The following ZNF493 variants were observed in gnomAD, a reference collection of about 807,000 sequenced individuals.
ZNF493 encodes zinc finger protein 493.
Under a neutral mutation model 12.2 loss-of-function variants are expected in ZNF493, and 11 were observed. The ratio of observed to expected loss-of-function variants is 0.90; its 90% CI spans 0.57 to 1.50. ZNF493 has a LOEUF of 1.50. Ranked by LOEUF, ZNF493 falls within the 40% of genes most tolerant of loss-of-function variation. ZNF493 has a pLI of 0.00. For missense variants in ZNF493, 950 were observed against 906.6 expected (o/e 1.05, Z -0.61); for synonymous variants, 286 against 302.6 (o/e 0.95, Z 0.57).
intron 3 of ZNF493, among the ~76,000 whole-genome samples, chr19:21,419,885 T>C (rs2914630): frequency 7.9e-5 from 12 of 152,292 alleles, no homozygotes; most frequent in African/African-American, 2.6e-4. Flanking sequence ...AGAGTAAAAA[T>C]GTTCTGAGAA....
chr19:21,414,632 G>C lies in ZNF493; in HGVS notation c.254-8281G>C, dbSNP rs542415927. ...CGTAACTGAGCATTTTCAATAAACT[G>C]TGTGGAATGAACCACGTGTGAAGAA... is the stretch of plus-strand genomic sequence containing the variant. On this transcript the variant is annotated intron_variant, in intron 3 of 3. Transcript: ENST00000392288. 1.5e-4 allele frequency: 23 copies of C among 152,168 alleles called. 1 individual carries two copies. Among genetic ancestry groups the C allele is most frequent in the Admixed American group, 1.4e-3 (22 of 15,270 alleles). 9.4% of individuals were successfully genotyped at this position (152,168 alleles called of 1,614,324 possible). A position where few individuals can be genotyped will look rare whatever the true frequency, so the allele number is the denominator to read the frequency against.
At chr19:21,419,639 G>A (rs1476844013) in intron 3 of ZNF493, among the ~76,000 whole-genome samples, 3 of 152,064 alleles carry the variant, frequency 2.0e-5, no homozygotes, top group Non-Finnish European at 2.9e-5. Context: ...GATTAAGGGT[G>A]GGTCTGCCTT....
chr19:21,420,485 A>G (rs1018091439), intron 3 of ZNF493, among the ~76,000 whole-genome samples: 5 of 147,928 alleles, frequency 3.4e-5, no homozygotes, highest in Non-Finnish European at 6.0e-5. Flanking sequence ...CGCCTTTTAT[A>G]TATAAGGCAG....
intron 3 of ZNF493, among the ~76,000 whole-genome samples, chr19:21,418,094 A>T (rs1199778360): frequency 6.6e-6 from 1 of 152,198 alleles, no homozygotes; most frequent in Admixed American, 6.5e-5. Context: ...AACTAAGAGC[A>T]GTTGCTCGAG....
At chr19:21,401,353 C>T (rs950703882) in intron 1 of ZNF493, among the ~76,000 whole-genome samples, 3 of 152,004 alleles carry the variant, frequency 2.0e-5, no homozygotes, top group Admixed American at 1.3e-4. Flanking sequence ...TTTGGTTTTC[C>T]AGTATTTTCT....
chr19:21,411,703 G>C (rs1205221183), intron 3 of ZNF493, among the ~76,000 whole-genome samples: 2 of 150,482 alleles, frequency 1.3e-5, no homozygotes, highest in Non-Finnish European at 3.0e-5. Flanking sequence ...CTGGGTGACA[G>C]AGTGAGACTC....
chr19:21,405,693 A>G, intron 2 of ZNF493, 68 bp from the exon 3 acceptor site: 2 of 1,321,406 alleles, frequency 1.5e-6, no homozygotes, highest in Admixed American at 4.2e-5. Context: ...CTCTTTACTA[A>G]GCATGGTACT....
chr19:21,410,868 C>T (rs1336860807), intron 3 of ZNF493, among the ~76,000 whole-genome samples: 1 of 152,032 alleles, frequency 6.6e-6, no homozygotes, highest in Admixed American at 6.6e-5. Context: ...TGTTGGGTCA[C>T]GGCAACTTCT....
chr19:21,424,467 G>A lies in ZNF493; in HGVS notation c.1808G>A (p.Cys603Tyr), dbSNP rs1382503607. 3 of 1,613,248 alleles carry A rather than the reference G, an allele frequency of 1.9e-6. No individual in the cohort carries two copies. In the African/African-American group the frequency reaches 4.0e-5, roughly 22 times the overall value. Residue 603 changes from cysteine (C) to tyrosine (Y), a missense_variant, in exon 4 of 4, where the codon TGT becomes TAT. Cys to Tyr is a radical substitution (Grantham distance 194). Transcript: ENST00000392288. ...IIHTDKKPYK[C>Y]EECGKAFNRS... ...CATACTGATAAGAAACCCTACAAATGTGAAGAATGTGGCAAAGCTTTTAAC... is the reference window on the plus strand; with the variant it reads ...CATACTGATAAGAAACCCTACAAATATGAAGAATGTGGCAAAGCTTTTAAC...
At chr19:21,412,858 T>A (rs1251225477) in intron 3 of ZNF493, 1 of 351,590 alleles carries the variant, frequency 2.8e-6, no homozygotes, top group Non-Finnish European at 5.4e-6. Context: ...AATTTTGATC[T>A]TATTAAGAAC....
At position 21,423,409 on chromosome 19, in the gene ZNF493, A is replaced by C; in HGVS notation, c.750A>C (p.Ser250=). 6.2e-7 allele frequency: 1 copy of C among 1,613,728 alleles called. No homozygotes were observed. Among genetic ancestry groups the C allele is most frequent in the South Asian group, 1.1e-5 (1 of 91,070 alleles). ...GTGGCAAATCTTTTAACCAGGACTC[A>C]AACCTTACTACACATAAGAGAATTC... is the stretch of plus-strand genomic sequence containing the variant. ...YECGKSFNQD[S]NLTTHKRIHT... The change falls in exon 4 of 4, where the codon TCA becomes TCC. Residue 250 remains serine (S), a synonymous_variant. Coordinates refer to ENST00000392288, the MANE Select transcript of ZNF493 (RefSeq NM_001076678.3).
chr19:21,421,750 A>T (rs540583538), intron 3 of ZNF493, among the ~76,000 whole-genome samples: 5 of 152,290 alleles, frequency 3.3e-5, no homozygotes, highest in African/African-American at 1.2e-4. Flanking sequence ...CATACTTTGA[A>T]CAATTGTCTG....
Position 21,405,843 on chromosome 19 carries a change from A to C in ZNF493, c.240A>C (p.Val80=). 6.5e-7 allele frequency: 1 copy of C among 1,540,584 alleles called. No individual in the cohort carries two copies. Among genetic ancestry groups the C allele is most frequent in the South Asian group, 1.2e-5 (1 of 86,542 alleles). The change falls in exon 3 of 4, where the codon GTA becomes GTC. Residue 80 remains valine, a synonymous_variant. Transcript: ENST00000392288. The part of the protein sequence containing the change: ...DPWNMKGHST[V]VKPPVICSHF... The stretch of plus-strand genomic sequence containing the variant: ...GGAATATGAAGGGACACAGTACGGT[A>C]GTCAAACCCCCAGGTAGGTGAGAGT...
At chr19:21,407,963 A>T in intron 3 of ZNF493, 1 of 985,142 alleles carries the variant, frequency 1.0e-6, no homozygotes. Context: ...GGAGGTAAAG[A>T]TCTTCTTTTC....
intron 1 of ZNF493, among the ~76,000 whole-genome samples, chr19:21,400,719 A>G (rs2029909329): frequency 2.0e-5 from 3 of 152,202 alleles, no homozygotes; most frequent in Admixed American, 2.0e-4. Context: ...CTACAGGCAG[A>G]TGCAGTTAAG....
In ZNF493 at chr19:21,397,185, C is replaced by T; in HGVS notation, c.-53C>T. On this transcript the variant is annotated 5_prime_UTR_variant, in exon 1 of 4. Transcript: ENST00000392288. ...AGGTCTACCCTTCACTGCTCTGTGT[C>T]CTCAGCGTGTGTGGCTTCGTGACCT... 1 of 1,609,308 alleles carries T rather than the reference C, an allele frequency of 6.2e-7. No individual in the cohort carries two copies. The highest frequency in any genetic ancestry group is 1.1e-5 in the South Asian group (1 of 90,990).
chr19:21,420,655 TCAGAA>T (rs2030648680), intron 3 of ZNF493, among the ~76,000 whole-genome samples: 47 of 46,426 alleles, frequency 1.0e-3, no homozygotes, highest in Non-Finnish European at 1.4e-3. Flanking sequence ...TTTTTTTTTT[TCAGAA>T]CTTTGACTAT....
At position 21,424,250 on chromosome 19, in the gene ZNF493, A is replaced by G. The variant is rs765934098; in HGVS notation, c.1591A>G (p.Thr531Ala). 8 of 1,611,600 alleles carry G rather than the reference A, an allele frequency of 5.0e-6. 1 individual carries two copies. Among genetic ancestry groups the G allele is most frequent in the Middle Eastern group, 1.7e-4 (1 of 6,044 alleles). The change falls in exon 4 of 4, where the codon ACC becomes GCC. Residue 531 changes from threonine to alanine, a missense_variant. Transcript: ENST00000392288. ...ECGKAFKRSS[T>A]LTIHKMIHTG... ...TGGCAAAGCTTTTAAACGATCTTCA[A>G]CCCTTACTATACATAAAATGATTCA... is the stretch of plus-strand genomic sequence containing the variant.
At chr19:21,402,452 A>G (rs556015930) in intron 1 of ZNF493, among the ~76,000 whole-genome samples, 3 of 152,262 alleles carry the variant, frequency 2.0e-5, no homozygotes, top group East Asian at 1.9e-4. Flanking sequence ...TTAGGTAGAC[A>G]TATTAATAGA....
Sources: allele counts gnomAD v4.1 joint callset (sites outside exome capture counted in the v4.1 genomes callset), GRCh38; gene constraint gnomAD v4.1.1; transcripts MANE v1.5; gene names NCBI Gene and HGNC (gene_info 2026-07-23, HGNC 2026-07-21).